The following CELF2 variants were observed in gnomAD, a reference collection of about 807,000 sequenced individuals.
The protein encoded by CELF2 is CUG triplet repeat RNA-binding protein 2.
In CELF2, 8 loss-of-function variants were observed where a neutral mutation model predicts 62.6. The observed-to-expected ratio is 0.13, with a 90% confidence interval of 0.07 to 0.23. CELF2 has a LOEUF of 0.23. Ranked by LOEUF, CELF2 falls within the 10% of genes least tolerant of loss-of-function variation. The probability of loss-of-function intolerance (pLI) is 1.00; values close to 1 mark genes in which losing one functional copy is unlikely to be tolerated. For missense variants in CELF2, 333 were observed against 671.0 expected, an observed-to-expected ratio of 0.50 and a Z score of 5.56; for synonymous variants, 258 against 250.0, an observed-to-expected ratio of 1.03 and a Z score of -0.30.
chr10:10,641,411 C>T, the CELF2 span, among the ~76,000 whole-genome samples: 9 of 152,070 alleles, frequency 5.9e-5, no homozygotes, highest in African/African-American at 1.2e-4. Context: ...CTTCCCCTTA[C>T]GGGTGTATTG....
rs977132729 is a variant in CELF2 at position 11,285,089 on chromosome 10, G to A, written c.842-3329G>A. On this transcript the variant is annotated intron_variant, in intron 8 of 12. Transcript: ENST00000633077. This position sits in a 1 kb window ranked among gnomAD's most constrained non-coding sequence, Gnocchi z 4.3. Reference sequence around the variant, plus strand: ...GGGTGGTTACGCGGAATGATGGATGGATGGATGGGTGGGTGGGTGGATGGG... The same window carrying A: ...GGGTGGTTACGCGGAATGATGGATGAATGGATGGGTGGGTGGGTGGATGGG... 1.3e-5 allele frequency among the ~76,000 whole-genome samples: 2 copies of A among 151,346 alleles called. No individual in the cohort carries two copies. The highest frequency in any genetic ancestry group is 4.9e-5 in the African/African-American group (2 of 41,098).
the CELF2 span, among the ~76,000 whole-genome samples, chr10:10,589,106 A>C: frequency 6.6e-6 from 1 of 152,218 alleles, no homozygotes; most frequent in East Asian, 1.9e-4. Flanking sequence ...ATCAATTAAT[A>C]GATGTACGAT....
At chr10:10,985,885 A>G (rs910371587) in intron 2 of CELF2, among the ~76,000 whole-genome samples, 2 of 152,184 alleles carry the variant, frequency 1.3e-5, no homozygotes, top group African/African-American at 4.8e-5. Flanking sequence ...CATTGGAGTC[A>G]CCCTGTCCAA....
At chr10:10,593,260 G>C in the CELF2 span, among the ~76,000 whole-genome samples, 2 of 152,208 alleles carry the variant, frequency 1.3e-5, no homozygotes, top group African/African-American at 4.8e-5. Context: ...GATCCTATGA[G>C]TGATTTGGGG....
intron 2 of CELF2, among the ~76,000 whole-genome samples, chr10:10,955,078 AT>A (rs2048748670): frequency 6.6e-6 from 1 of 152,252 alleles, no homozygotes; most frequent in African/African-American, 2.4e-5. Flanking sequence ...AGTATAATTT[AT>A]TGATTGCCTG....
chr10:11,020,794 C>T (rs2058188597), intron 1 of CELF2, among the ~76,000 whole-genome samples: 1 of 152,190 alleles, frequency 6.6e-6, no homozygotes, highest in Non-Finnish European at 1.5e-5. Context: ...GATAGCCCCA[C>T]GAGCTATCCA....
rs1463271918 is a variant in CELF2, at chr10:11,330,904, T to A, written c.*1851T>A. ...AGTTTGAGAAAAAAACTGTCTGATTTTAAGTCTCTAGAGGTCTGTAATAGT... is the reference window on the plus strand; with the variant it reads ...AGTTTGAGAAAAAAACTGTCTGATTATAAGTCTCTAGAGGTCTGTAATAGT... On this transcript the variant is annotated 3_prime_UTR_variant, in exon 13 of 13. Transcript: ENST00000633077. The surrounding 1 kb of genome is among the most constrained non-coding windows in gnomAD (Gnocchi z 4.5). The A allele has an allele frequency of 2.0e-5, 3 of 152,616 alleles. No individual in the cohort carries two copies. Among genetic ancestry groups the A allele is most frequent in the African/African-American group, 7.2e-5 (3 of 41,446 alleles). The allele number at this position is 152,616 out of a possible 1,614,324, so 9.5% of individuals were successfully genotyped here. A position where few individuals can be genotyped will look rare whatever the true frequency, so the allele number is the denominator to read the frequency against.
chr10:10,776,441 A>G, the CELF2 span: 1 of 154,356 alleles, frequency 6.5e-6, no homozygotes, highest in Non-Finnish European at 1.5e-5. Flanking sequence ...TCCTTGCTTT[A>G]CCCTGGTCAG....
chr10:10,675,417 C>A, the CELF2 span, among the ~76,000 whole-genome samples: 7 of 151,880 alleles, frequency 4.6e-5, no homozygotes, highest in Non-Finnish European at 7.4e-5. Context: ...TCTTCTTTAT[C>A]TTTGATTTTC....
At chr10:10,531,962 T>C in the CELF2 span, among the ~76,000 whole-genome samples, 1 of 152,150 alleles carries the variant, frequency 6.6e-6, no homozygotes, top group Non-Finnish European at 1.5e-5. Flanking sequence ...TGACTCTACC[T>C]TACGAGAAAA....
the CELF2 span, among the ~76,000 whole-genome samples, chr10:10,673,970 T>A: frequency 6.6e-6 from 1 of 152,206 alleles, no homozygotes; most frequent in Non-Finnish European, 1.5e-5. Flanking sequence ...GAATCTTCCA[T>A]GTCAGCTTGA....
intron 1 of CELF2, among the ~76,000 whole-genome samples, chr10:11,089,212 T>C (rs1291816): frequency 0.47 from 70,822 of 152,032 alleles, 18,783 homozygotes; most frequent in African/African-American, 0.72. Flanking sequence ...GCATGTGGGA[T>C]GGGAATAATT....
intron 2 of CELF2, among the ~76,000 whole-genome samples, chr10:10,944,937 C>A (rs1273029384): frequency 6.6e-6 from 1 of 152,074 alleles, no homozygotes; most frequent in Non-Finnish European, 1.5e-5. Flanking sequence ...ACTTACTCAT[C>A]TAAATGCATA....
chr10:11,010,251 A>T lies in CELF2; in HGVS notation c.53+4811A>T, dbSNP rs2056203925. On this transcript the variant is annotated intron_variant, in intron 1 of 12. Coordinates refer to the CELF2 transcript ENST00000416382. This position sits in a 1 kb window ranked among gnomAD's most constrained non-coding sequence, Gnocchi z 4.1. ...ATGAAAAACGATTTGATAAAAACGA[A>T]TGGAGACCCCATTCCAAGCCTCAGG... is the stretch of plus-strand genomic sequence containing the variant. 6.6e-6 allele frequency: 1 copy of T among 152,216 alleles called. No homozygotes were observed. Among genetic ancestry groups the T allele is most frequent in the African/African-American group, 2.4e-5 (1 of 41,452 alleles). The allele number at this position is 152,216 out of a possible 1,614,324, so 9.4% of individuals were successfully genotyped here. A position where few individuals can be genotyped will look rare whatever the true frequency, so the allele number is the denominator to read the frequency against.
At chr10:11,018,243 C>T in intron 1 of CELF2, 80 bp downstream of exon 1, 4 of 1,242,938 alleles carry the variant, frequency 3.2e-6, no homozygotes, top group East Asian at 3.4e-5. Context: ...ACGGGCGTCG[C>T]CCGCAGCTCC....
chr10:10,868,885 T>A (rs1591372892), intron 1 of CELF2, among the ~76,000 whole-genome samples: 2 of 152,236 alleles, frequency 1.3e-5, no homozygotes, highest in African/African-American at 4.8e-5. Flanking sequence ...TAGGTCTTCA[T>A]AGAATTTAGT....
chr10:10,548,912 T>C, the CELF2 span, among the ~76,000 whole-genome samples: 2 of 152,200 alleles, frequency 1.3e-5, no homozygotes, highest in African/African-American at 2.4e-5. Context: ...GGTTAAATTA[T>C]ATTGAATATT....
At chr10:11,155,027 G>C (rs538841420) in intron 1 of CELF2, among the ~76,000 whole-genome samples, 36 of 152,342 alleles carry the variant, frequency 2.4e-4, no homozygotes, top group Middle Eastern at 3.4e-3. Flanking sequence ...ATACGCCACT[G>C]TGTGAAAACC....
chr10:11,256,860 G>C (rs1254284986), intron 4 of CELF2, among the ~76,000 whole-genome samples: 1 of 152,002 alleles, frequency 6.6e-6, no homozygotes, highest in Non-Finnish European at 1.5e-5. Context: ...GCCCAGGTTA[G>C]AATTTGCGTG....
Sources: gnomAD v4.1 joint callset for allele counts (sites outside exome capture counted in the v4.1 genomes callset) on GRCh38, gnomAD v4.1.1 for gene constraint, Gnocchi (gnomAD v3.1) non-coding constraint, MANE v1.5 for transcripts, NCBI Gene and HGNC (gene_info 2026-07-23, HGNC 2026-07-21) for gene names.